Variants in ARHGAP15 observed in about 807,000 individuals in gnomAD.
The protein encoded by ARHGAP15 is Rho GTPase activating protein 15.
A neutral mutation model predicts 63.7 loss-of-function variants in ARHGAP15; 51 were observed. That is an observed-to-expected ratio of 0.80 (90% CI 0.64 to 1.01). The LOEUF is 1.01. Among genes scored for constraint, ARHGAP15 ranks in the 50% least tolerant of loss-of-function variants. The pLI, the probability that ARHGAP15 is intolerant of heterozygous loss-of-function variation, is 0.00. For missense variants in ARHGAP15, 560 were observed against 564.6 expected (o/e 0.99, Z 0.08); for synonymous variants, 191 against 193.8 (o/e 0.99, Z 0.12).
chr2:143,461,506 G>A (rs1444444482), intron 8 of ARHGAP15, among the ~76,000 whole-genome samples: 4 of 152,010 alleles, frequency 2.6e-5, no homozygotes, highest in African/African-American at 9.7e-5. Context: ...AATGTTATAA[G>A]AACAATATAA....
At chr2:143,515,619 G>A (rs1693782057) in intron 9 of ARHGAP15, among the ~76,000 whole-genome samples, 1 of 152,144 alleles carries the variant, frequency 6.6e-6, no homozygotes, top group African/African-American at 2.4e-5. Context: ...TTGCTATATA[G>A]TCCTGAGTCA....
intron 6 of ARHGAP15, among the ~76,000 whole-genome samples, chr2:143,301,764 AATAC>A (rs1209413922): frequency 6.6e-6 from 1 of 151,716 alleles, no homozygotes; most frequent in Non-Finnish European, 1.5e-5. Context: ...ATGTATGTAT[AATAC>A]ATACATGGAC....
At position 143,471,193 on chromosome 2, in the gene ARHGAP15, C is replaced by T. The variant is rs180900739; in HGVS notation, c.704-16180C>T. Reference sequence around the variant, plus strand: ...ATATGAATATGTGTGTGTATATATACACACATATATGTGTGTATATATACA... The same window carrying T: ...ATATGAATATGTGTGTGTATATATATACACATATATGTGTGTATATATACA... On this transcript the variant is annotated intron_variant, in intron 8 of 13. Coordinates refer to ENST00000295095, the MANE Select transcript of ARHGAP15 (RefSeq NM_018460.4). 3.4e-4 allele frequency among the ~76,000 whole-genome samples: 47 copies of T among 140,022 alleles called. No individual in the cohort carries two copies. The East Asian group carries it at 8.8e-3, about 26-fold the overall frequency. 91.9% of individuals were successfully genotyped at this position (140,022 alleles called of 152,430 possible). A position where few individuals can be genotyped will look rare whatever the true frequency, so the allele number is the denominator to read the frequency against.
intron 6 of ARHGAP15, among the ~76,000 whole-genome samples, chr2:143,377,228 G>A (rs889645227): frequency 6.6e-6 from 1 of 151,886 alleles, no homozygotes; most frequent in Non-Finnish European, 1.5e-5. Context: ...GTTATATACT[G>A]TACAAGAGAA....
At chr2:143,497,513 G>T (rs765885983) in intron 9 of ARHGAP15, among the ~76,000 whole-genome samples, 3 of 152,080 alleles carry the variant, frequency 2.0e-5, no homozygotes, top group Non-Finnish European at 4.4e-5. Flanking sequence ...TTCTTGTACC[G>T]CATAGTTCCC....
At chr2:143,195,041 T>C (rs539733613) in intron 2 of ARHGAP15, among the ~76,000 whole-genome samples, 11 of 152,260 alleles carry the variant, frequency 7.2e-5, no homozygotes, top group Admixed American at 6.5e-4. Context: ...ATGCAGATGT[T>C]TATAAAAAAA....
chr2:143,591,113 A>G (rs1385395988), intron 11 of ARHGAP15, among the ~76,000 whole-genome samples: 2 of 152,212 alleles, frequency 1.3e-5, no homozygotes, highest in African/African-American at 4.8e-5. Flanking sequence ...TATCATGTGC[A>G]TATAGGAGCT....
intron 11 of ARHGAP15, among the ~76,000 whole-genome samples, chr2:143,562,028 T>A (rs1426652235): frequency 6.6e-6 from 1 of 152,228 alleles, no homozygotes; most frequent in African/African-American, 2.4e-5. Context: ...CTACCCAGAT[T>A]TTATTGGCAT....
At chr2:143,734,099 C>A (rs532972627) in intron 13 of ARHGAP15, among the ~76,000 whole-genome samples, 2 of 152,246 alleles carry the variant, frequency 1.3e-5, no homozygotes, top group Admixed American at 1.3e-4. Context: ...GAGGGCCTTC[C>A]CTACCTTGGT....
intron 6 of ARHGAP15, among the ~76,000 whole-genome samples, chr2:143,300,415 A>G (rs1166540592): frequency 6.6e-6 from 1 of 152,078 alleles, no homozygotes; most frequent in Non-Finnish European, 1.5e-5. Flanking sequence ...ATCTCTAAGC[A>G]TCCATTTGGT....
intron 6 of ARHGAP15, among the ~76,000 whole-genome samples, chr2:143,336,086 G>A (rs1251449732): frequency 2.0e-5 from 3 of 151,894 alleles, no homozygotes; most frequent in African/African-American, 4.8e-5. Flanking sequence ...CGGCAGCCTC[G>A]ACCTCCCAGG....
At chr2:143,597,590 A>C (rs959531728) in intron 11 of ARHGAP15, among the ~76,000 whole-genome samples, 1 of 152,110 alleles carries the variant, frequency 6.6e-6, no homozygotes, top group East Asian at 1.9e-4. Context: ...CTTAATCTCA[A>C]AGGAGAAATA....
At position 143,427,534 on chromosome 2, in the gene ARHGAP15, A is replaced by G. The variant is rs528102756; in HGVS notation, c.475-8067A>G. ...TGTCAACTCCCAATTACCAAAGCCT[A>G]TATTTAGGGTGAGATTCTTAGATGA... is the stretch of plus-strand genomic sequence containing the variant. On this transcript the variant is annotated intron_variant, in intron 6 of 13. Transcript: ENST00000295095. 2.6e-5 allele frequency among the ~76,000 whole-genome samples: 4 copies of G among 151,888 alleles called. No individual in the cohort carries two copies. The South Asian group carries it at 8.3e-4, about 32-fold the overall frequency.
chr2:143,354,670 A>T (rs1030725932), intron 6 of ARHGAP15, among the ~76,000 whole-genome samples: 5 of 152,210 alleles, frequency 3.3e-5, no homozygotes, highest in African/African-American at 9.6e-5. Context: ...GTTAATTCGT[A>T]GCTTGAATAA....
intron 11 of ARHGAP15, among the ~76,000 whole-genome samples, chr2:143,602,882 C>T (rs568503203): frequency 7.2e-5 from 11 of 152,208 alleles, no homozygotes; most frequent in Admixed American, 2.6e-4. Flanking sequence ...ACCACACAGA[C>T]GGGGTGTGTG....
At chr2:143,416,189 CAT>C (rs768215210) in intron 6 of ARHGAP15, among the ~76,000 whole-genome samples, 1 of 149,724 alleles carries the variant, frequency 6.7e-6, no homozygotes, top group African/African-American at 2.5e-5. Context: ...CACCGTGACA[CAT>C]GTTTACCTAT....
chr2:143,364,035 G>T (rs895426602), intron 6 of ARHGAP15, among the ~76,000 whole-genome samples: 5 of 152,158 alleles, frequency 3.3e-5, no homozygotes, highest in Non-Finnish European at 7.4e-5. Context: ...AGATTAAAAA[G>T]TTCCTTTAAC....
At chr2:143,244,416 T>C (rs1693970517) in intron 5 of ARHGAP15, among the ~76,000 whole-genome samples, 2 of 152,240 alleles carry the variant, frequency 1.3e-5, no homozygotes, top group Non-Finnish European at 2.9e-5. Flanking sequence ...TATTTTTATT[T>C]TTTTAAGTTG....
At chr2:143,687,424 TAG>T (rs1683400561) in intron 12 of ARHGAP15, among the ~76,000 whole-genome samples, 1 of 152,148 alleles carries the variant, frequency 6.6e-6, no homozygotes, top group Non-Finnish European at 1.5e-5. Context: ...AATATGAAAC[TAG>T]AATATATTTA....
Sources: gnomAD v4.1 joint callset for allele counts (sites outside exome capture counted in the v4.1 genomes callset) on GRCh38, gnomAD v4.1.1 for gene constraint, MANE v1.5 for transcripts, NCBI Gene and HGNC (gene_info 2026-07-23, HGNC 2026-07-21) for gene names.